Variants in KCNH5 observed in about 807,000 individuals in gnomAD.
KCNH5 encodes the protein voltage-gated delayed rectifier potassium channel KCNH5.
KCNH5 carries 46 observed loss-of-function variants against 96.1 expected under a neutral mutation model. That is an observed-to-expected ratio of 0.48 (90% CI 0.38 to 0.61). KCNH5 has a LOEUF of 0.61. Among genes scored for constraint, KCNH5 ranks in the 20% least tolerant of loss-of-function variants. KCNH5 has a pLI of 0.00. For missense variants in KCNH5, 907 were observed against 1,225.8 expected (o/e 0.74, Z 3.88); for synonymous variants, 439 against 449.8 (o/e 0.98, Z 0.30).
chr14:62,996,727 T>A (rs913848946), intron 4 of KCNH5, among the ~76,000 whole-genome samples: 1 of 152,184 alleles, frequency 6.6e-6, no homozygotes. Context: ...CATAAATAGA[T>A]ATGTAGTTAC....
At chr14:62,838,400 G>T (rs147174146) in intron 8 of KCNH5, among the ~76,000 whole-genome samples, 277 of 152,212 alleles carry the variant, frequency 1.8e-3, no homozygotes, top group African/African-American at 6.3e-3. Flanking sequence ...AGATAATCTA[G>T]GTCCAAGGTC....
At chr14:62,803,193 C>T (rs1886700811) in intron 8 of KCNH5, among the ~76,000 whole-genome samples, 1 of 151,924 alleles carries the variant, frequency 6.6e-6, no homozygotes, top group Non-Finnish European at 1.5e-5. Context: ...AGAAGAGTCT[C>T]ATAAAAAAGT....
At chr14:62,716,219 C>G (rs1017072296) in intron 10 of KCNH5, among the ~76,000 whole-genome samples, 1 of 152,162 alleles carries the variant, frequency 6.6e-6, no homozygotes, top group Admixed American at 6.6e-5. Flanking sequence ...AGCAAGAATA[C>G]AGCTATTCCA....
At chr14:62,788,514 G>A (rs1311942550) in intron 9 of KCNH5, among the ~76,000 whole-genome samples, 1 of 152,140 alleles carries the variant, frequency 6.6e-6, no homozygotes, top group Non-Finnish European at 1.5e-5. Context: ...GGTTTCAGAG[G>A]ACTGACTCCA....
intron 1 of KCNH5, among the ~76,000 whole-genome samples, chr14:63,038,547 A>T (rs146112879): frequency 6.6e-6 from 1 of 152,286 alleles, no homozygotes; most frequent in East Asian, 1.9e-4. Flanking sequence ...TAGCTTTCTA[A>T]CCACACTTTC....
intron 7 of KCNH5, among the ~76,000 whole-genome samples, chr14:62,929,204 A>ACC (rs35513497): frequency 2.6e-5 from 4 of 151,150 alleles, no homozygotes; most frequent in African/African-American, 2.4e-5. Context: ...TTTAACAACC[A>ACC]CCCCCCGCAT....
intron 2 of KCNH5, among the ~76,000 whole-genome samples, chr14:63,013,213 C>T (rs1369146699): frequency 6.6e-6 from 1 of 151,824 alleles, no homozygotes; most frequent in Non-Finnish European, 1.5e-5. Context: ...TTTATTTTAC[C>T]ATAAAACAAT....
intron 4 of KCNH5, among the ~76,000 whole-genome samples, chr14:62,996,654 A>C (rs1890910262): frequency 6.6e-6 from 1 of 152,232 alleles, no homozygotes; most frequent in East Asian, 1.9e-4. Flanking sequence ...AAGAAAAGTC[A>C]ACACTTCAAC....
In KCNH5 at chr14:62,731,574, G is replaced by T. The variant is rs1160256715; in HGVS notation, c.2020-23119C>A. ...CCTCACCTGAATTCATCTGCCTTTTGCAATATTTGCTTTAATCTTCAGAAG... is the reference window on the plus strand; with the variant it reads ...CCTCACCTGAATTCATCTGCCTTTTTCAATATTTGCTTTAATCTTCAGAAG... On this transcript the variant is annotated intron_variant, in intron 10 of 10. Transcript: ENST00000322893. Among the ~76,000 whole-genome samples, 3 of 152,020 alleles carry T rather than the reference G, an allele frequency of 2.0e-5. No individual in the cohort carries two copies. In the East Asian group the frequency reaches 5.8e-4, roughly 29 times the overall value.
intron 7 of KCNH5, among the ~76,000 whole-genome samples, chr14:62,941,000 T>A (rs951541347): frequency 4.6e-5 from 7 of 152,102 alleles, no homozygotes; most frequent in African/African-American, 1.7e-4. Context: ...GACATTGAGA[T>A]GGGGATGGAG....
chr14:62,733,056 G>C (rs1232003135), intron 10 of KCNH5, among the ~76,000 whole-genome samples: 1 of 151,932 alleles, frequency 6.6e-6, no homozygotes, highest in African/African-American at 2.4e-5. Context: ...ACTTACATAG[G>C]AAAACCATAA....
At chr14:63,003,227 A>T (rs1223776859) in intron 3 of KCNH5, among the ~76,000 whole-genome samples, 1 of 151,508 alleles carries the variant, frequency 6.6e-6, no homozygotes, top group Non-Finnish European at 1.5e-5. Context: ...TTTCCAAGCC[A>T]CAGGGTCATA....
At chr14:62,747,114 A>C (rs1280711830) in intron 10 of KCNH5, among the ~76,000 whole-genome samples, 2 of 152,212 alleles carry the variant, frequency 1.3e-5, no homozygotes, top group Non-Finnish European at 1.5e-5. Flanking sequence ...CGGGTGGATC[A>C]CCTGAGGTCA....
chr14:63,010,471 T>A (rs1891204608), intron 2 of KCNH5, among the ~76,000 whole-genome samples: 1 of 152,178 alleles, frequency 6.6e-6, no homozygotes, highest in Non-Finnish European at 1.5e-5. Context: ...AAGGGAGATG[T>A]GCATGGTTCT....
At chr14:62,739,927 T>G (rs558709335) in intron 10 of KCNH5, among the ~76,000 whole-genome samples, 2 of 152,172 alleles carry the variant, frequency 1.3e-5, no homozygotes, top group African/African-American at 4.8e-5. Context: ...CACAATGAAA[T>G]GTAAACCTTT....
intron 3 of KCNH5, 145 bp from the exon 4 acceptor site, chr14:63,001,604 A>G: frequency 1.6e-6 from 1 of 634,652 alleles, no homozygotes; most frequent in East Asian, 3.1e-5. Context: ...AATTACTACA[A>G]ACAATCCGTA....
chr14:63,009,988 G>T, intron 2 of KCNH5, among the ~76,000 whole-genome samples: 1 of 152,274 alleles, frequency 6.6e-6, no homozygotes, highest in East Asian at 1.9e-4. Flanking sequence ...ATATGTAACG[G>T]AAATATTTTT....
intron 4 of KCNH5, among the ~76,000 whole-genome samples, chr14:62,999,406 G>A (rs1890970211): frequency 6.6e-6 from 1 of 151,766 alleles, no homozygotes; most frequent in African/African-American, 2.4e-5. Context: ...TTGTAAATTT[G>A]TTTGAGTTCA....
At chr14:62,893,868 G>A (rs1475303092) in intron 7 of KCNH5, among the ~76,000 whole-genome samples, 11 of 152,200 alleles carry the variant, frequency 7.2e-5, no homozygotes, top group African/African-American at 2.4e-4. Context: ...GCATGCTATA[G>A]AGAAATCTTT....
Sources: allele counts gnomAD v4.1 joint callset (sites outside exome capture counted in the v4.1 genomes callset), GRCh38; gene constraint gnomAD v4.1.1; transcripts MANE v1.5; gene names NCBI Gene and HGNC (gene_info 2026-07-23, HGNC 2026-07-21).